Variants in SPAG16 observed in about 807,000 individuals in gnomAD.
The protein encoded by SPAG16 is sperm associated antigen 16, also known as sperm-associated antigen 16 protein.
A neutral mutation model predicts 80.4 loss-of-function variants in SPAG16; 86 were observed. That is an observed-to-expected ratio of 1.07 (90% CI 0.90 to 1.28). SPAG16 has a LOEUF of 1.28. Among genes scored for constraint, SPAG16 ranks in the 50% most tolerant of loss-of-function variants. The probability of loss-of-function intolerance (pLI) is 0.00; values close to 1 mark genes in which losing one functional copy is unlikely to be tolerated. For synonymous variants in SPAG16, 294 were observed against 265.9 expected (o/e 1.11, Z -1.03); for missense variants, 870 against 765.3 (o/e 1.14, Z -1.61).
chr2:213,849,681 A>G (rs542854900), intron 10 of SPAG16, among the ~76,000 whole-genome samples: 1 of 152,254 alleles, frequency 6.6e-6, no homozygotes, highest in East Asian at 1.9e-4. Flanking sequence ...TCTAGACTAT[A>G]TGTAGTTTAT....
intron 15 of SPAG16, among the ~76,000 whole-genome samples, chr2:214,381,744 T>C (rs1003953696): frequency 1.3e-5 from 2 of 152,172 alleles, no homozygotes; most frequent in Non-Finnish European, 2.9e-5. Context: ...TTCAAAGTAG[T>C]AGTCAATCTG....
intron 15 of SPAG16, among the ~76,000 whole-genome samples, chr2:214,171,391 G>C (rs762079697): frequency 6.6e-6 from 1 of 151,846 alleles, no homozygotes; most frequent in Non-Finnish European, 1.5e-5. Flanking sequence ...ATATTTTGTT[G>C]TTTTGTTGCA....
chr2:214,126,878 T>C (rs2054522427), intron 14 of SPAG16, among the ~76,000 whole-genome samples: 1 of 151,876 alleles, frequency 6.6e-6, no homozygotes, highest in African/African-American at 2.4e-5. Flanking sequence ...AACATACATA[T>C]ATATTTTTAA....
intron 15 of SPAG16, among the ~76,000 whole-genome samples, chr2:214,337,074 C>G (rs536301933): frequency 6.0e-5 from 9 of 150,614 alleles, no homozygotes; most frequent in African/African-American, 1.9e-4. Flanking sequence ...GAAAGAACAA[C>G]CTTATCATAC....
intron 13 of SPAG16, among the ~76,000 whole-genome samples, chr2:214,061,601 G>T (rs2050258959): frequency 6.6e-6 from 1 of 152,020 alleles, no homozygotes; most frequent in South Asian, 2.1e-4. Flanking sequence ...TCAACTAATT[G>T]GATGTGACCC....
intron 12 of SPAG16, among the ~76,000 whole-genome samples, chr2:213,962,230 G>A (rs2044474470): frequency 6.8e-6 from 1 of 147,604 alleles, no homozygotes; most frequent in African/African-American, 2.5e-5. Context: ...GTCTCACTCT[G>A]TTGCCCAGGC....
chr2:213,585,592 T>C (rs1220564719), intron 10 of SPAG16, among the ~76,000 whole-genome samples: 1 of 152,110 alleles, frequency 6.6e-6, no homozygotes, highest in African/African-American at 2.4e-5. Context: ...TTTTTAGAAG[T>C]ATAAAGGCTT....
intron 15 of SPAG16, among the ~76,000 whole-genome samples, chr2:214,285,534 C>A (rs946650704): frequency 6.6e-6 from 1 of 152,136 alleles, no homozygotes; most frequent in Non-Finnish European, 1.5e-5. Context: ...GCTAGCCGGG[C>A]GTGGTGGCTC....
At chr2:213,948,796 A>C (rs1321952123) in intron 12 of SPAG16, among the ~76,000 whole-genome samples, 1 of 152,156 alleles carries the variant, frequency 6.6e-6, no homozygotes, top group Admixed American at 6.5e-5. Context: ...TTTCAAAATA[A>C]ATGTATTTTA....
chr2:213,331,406 T>A (rs1466730782), intron 5 of SPAG16, among the ~76,000 whole-genome samples: 1 of 152,206 alleles, frequency 6.6e-6, no homozygotes, highest in Non-Finnish European at 1.5e-5. Flanking sequence ...ATTGTAAATA[T>A]ATATGCACCC....
intron 15 of SPAG16, among the ~76,000 whole-genome samples, chr2:214,209,767 G>A (rs2058240763): frequency 6.6e-6 from 1 of 152,010 alleles, no homozygotes; most frequent in Non-Finnish European, 1.5e-5. Flanking sequence ...CTTATCTTGA[G>A]CCAAATTAAG....
In SPAG16 at chr2:213,355,831, C is replaced by G. The variant is rs540670024; in HGVS notation, c.762+5186C>G. Among the ~76,000 whole-genome samples the G allele has an allele frequency of 9.2e-5, 14 of 152,318 alleles. No homozygotes were observed. In the East Asian group the frequency reaches 2.7e-3, roughly 29 times the overall value. On this transcript the variant is annotated intron_variant, in intron 7 of 15. Transcript: ENST00000331683. The stretch of plus-strand genomic sequence containing the variant: ...GCACGCAGGGACAATTTGACTCCCT[C>G]TTTTTCTAATCGAATCCCCTTTATT...
At chr2:214,266,194 ACTAGGGTAG>A (rs1233729983) in intron 15 of SPAG16, among the ~76,000 whole-genome samples, 4 of 151,902 alleles carry the variant, frequency 2.6e-5, no homozygotes. Flanking sequence ...AGGAATGAAA[ACTAGGGTAG>A]CGAAGAGGCA....
At chr2:213,517,445 A>C (rs1401606808) in intron 10 of SPAG16, among the ~76,000 whole-genome samples, 3 of 152,236 alleles carry the variant, frequency 2.0e-5, no homozygotes, top group African/African-American at 7.2e-5. Context: ...TTTTCACAGA[A>C]GTAGAAAAAG....
chr2:214,212,355 T>G (rs2058316923), intron 15 of SPAG16, among the ~76,000 whole-genome samples: 1 of 152,154 alleles, frequency 6.6e-6, no homozygotes, highest in Admixed American at 6.5e-5. Context: ...CAGAGGTAAC[T>G]TCCTTGACCT....
rs527938017 is a variant in SPAG16 at position 213,777,736 on chromosome 2, C to T, written c.1071-84749C>T. Among the ~76,000 whole-genome samples, 209 of 152,086 alleles carry T rather than the reference C, an allele frequency of 1.4e-3. 1 individual carries two copies. The highest frequency in any genetic ancestry group is 4.8e-3 in the African/African-American group (199 of 41,490). ...ATTTTTAGGAGAGATAGGGTTTCACCGTGTTGGCCAGGCTGGTCTTGAACT... is the reference window on the plus strand; with the variant it reads ...ATTTTTAGGAGAGATAGGGTTTCACTGTGTTGGCCAGGCTGGTCTTGAACT... On this transcript the variant is annotated intron_variant, in intron 10 of 15. Coordinates refer to ENST00000331683, the MANE Select transcript of SPAG16 (RefSeq NM_024532.5).
At chr2:214,045,323 C>G (rs929489362) in intron 13 of SPAG16, among the ~76,000 whole-genome samples, 1 of 152,126 alleles carries the variant, frequency 6.6e-6, no homozygotes, top group African/African-American at 2.4e-5. Flanking sequence ...AAGGGAAAGA[C>G]CCAGTCCTGG....
At chr2:213,944,284 C>T (rs1265050447) in intron 12 of SPAG16, among the ~76,000 whole-genome samples, 1 of 152,180 alleles carries the variant, frequency 6.6e-6, no homozygotes, top group Admixed American at 6.5e-5. Flanking sequence ...AAACTTACAT[C>T]CCACTGGATC....
intron 10 of SPAG16, among the ~76,000 whole-genome samples, chr2:213,678,031 C>G (rs1385588563): frequency 6.6e-6 from 1 of 151,626 alleles, no homozygotes; most frequent in Admixed American, 6.6e-5. Flanking sequence ...GGGTACATAA[C>G]GAAATGAAGG....
Sources: gnomAD v4.1 joint callset for allele counts (sites outside exome capture counted in the v4.1 genomes callset) on GRCh38, gnomAD v4.1.1 for gene constraint, MANE v1.5 for transcripts, NCBI Gene and HGNC (gene_info 2026-07-23, HGNC 2026-07-21) for gene names.